Variants in ANKH observed in about 807,000 individuals in gnomAD.
ANKH encodes the protein mineralization regulator ANKH.
ANKH carries 15 observed loss-of-function variants against 49.0 expected under a neutral mutation model. The ratio of observed to expected loss-of-function variants is 0.31; its 90% CI spans 0.20 to 0.47. ANKH has a LOEUF of 0.47. ANKH is among the 20% of genes least tolerant of loss of function. ANKH has a pLI of 1.00. For missense variants in ANKH, 429 were observed against 652.0 expected, an observed-to-expected ratio of 0.66 and a Z score of 3.72; for synonymous variants, 273 against 260.0, an observed-to-expected ratio of 1.05 and a Z score of -0.48.
At chr5:14,735,678 G>A (rs1738155921) in intron 8 of ANKH, among the ~76,000 whole-genome samples, 1 of 152,156 alleles carries the variant, frequency 6.6e-6, no homozygotes, top group Admixed American at 6.5e-5. Flanking sequence ...CTCCTGGGCT[G>A]AGGCAGCAAA....
At chr5:14,789,390 T>C (rs1740086321) in intron 1 of ANKH, among the ~76,000 whole-genome samples, 1 of 151,984 alleles carries the variant, frequency 6.6e-6, no homozygotes, top group African/African-American at 2.4e-5. Flanking sequence ...TTTAATATCC[T>C]TGCATCACAT....
intron 9 of ANKH, among the ~76,000 whole-genome samples, chr5:14,715,523 A>G (rs1485602372): frequency 1.3e-5 from 2 of 152,194 alleles, no homozygotes; most frequent in African/African-American, 2.4e-5. Context: ...ATTTTTGACT[A>G]GGTGACACAC....
intron 4 of ANKH, among the ~76,000 whole-genome samples, chr5:14,752,097 C>T (rs2078318917): frequency 1.3e-5 from 2 of 152,106 alleles, no homozygotes; most frequent in African/African-American, 2.4e-5. Context: ...TGTTGGAGAC[C>T]AGCAGTTCCA....
In ANKH at chr5:14,814,537, T is replaced by C. The variant is rs535610168; in HGVS notation, c.97-45346A>G. 9.9e-5 allele frequency among the ~76,000 whole-genome samples: 15 copies of C among 152,252 alleles called. No individual in the cohort carries two copies. The East Asian group carries it at 2.9e-3, about 29-fold the overall frequency. ...GGTAGGATGGCTTGAGCCTGGGAGG[T>C]TGAGGCTGCAGTGAGCCATGATTGT... On this transcript the variant is annotated intron_variant, in intron 1 of 11. Coordinates refer to ENST00000284268, the MANE Select transcript of ANKH (RefSeq NM_054027.6).
At position 14,836,069 on chromosome 5, in the gene ANKH, C is replaced by G. The variant is rs982284875; in HGVS notation, c.96+35283G>C. ...AAGGCCTTTGACAAAATTCAACAGC[C>G]CTTCATGCTAAAAACTCTCAATAAA... On this transcript the variant is annotated intron_variant, in intron 1 of 11. Transcript: ENST00000284268. Among the ~76,000 whole-genome samples, 21 of 152,172 alleles carry G rather than the reference C, an allele frequency of 1.4e-4. No homozygotes were observed. In the Middle Eastern group the frequency reaches 0.01, roughly 74 times the overall value.
intron 1 of ANKH, among the ~76,000 whole-genome samples, chr5:14,793,435 C>T (rs932061012): frequency 1.3e-5 from 2 of 152,038 alleles, no homozygotes; most frequent in African/African-American, 2.4e-5. Flanking sequence ...GCTGTGCCCA[C>T]GTTAAACTGG....
rs1736972089 is a variant in ANKH at position 14,707,189 on chromosome 5, A to C, written c.*4008T>G. The C allele has an allele frequency of 6.6e-6, 1 of 152,226 alleles. No homozygotes were observed. The highest frequency in any genetic ancestry group is 2.1e-4 in the South Asian group (1 of 4,826). 9.4% of individuals were successfully genotyped at this position (152,226 alleles called of 1,614,324 possible). On this transcript the variant is annotated 3_prime_UTR_variant, in exon 12 of 12. Coordinates refer to ENST00000284268, the MANE Select transcript of ANKH (RefSeq NM_054027.6). ...TCTGCTGGGAGTTACTGAAGTAGAA[A>C]GATTTTTAAATACAAGAAAATATTT...
intron 1 of ANKH, among the ~76,000 whole-genome samples, chr5:14,858,754 TAAATAAAATA>T (rs371110679): frequency 5.5e-4 from 53 of 96,284 alleles, no homozygotes; most frequent in African/African-American, 2.3e-3. Context: ...AATAAATAAA[TAAATAAAATA>T]AAATAAAATA....
rs1371117614 is a variant in ANKH at position 14,792,432 on chromosome 5, A to C, written c.97-23241T>G. 5.9e-5 allele frequency among the ~76,000 whole-genome samples: 9 copies of C among 152,194 alleles called. 1 individual carries two copies. In the South Asian group the frequency reaches 1.9e-3, roughly 32 times the overall value. ...TGGTGATGATGGGACAGGAGGGTGA[A>C]AGCCAACATTTATTTGGATGTGAGA... On this transcript the variant is annotated intron_variant, in intron 1 of 11. Transcript: ENST00000284268.
intron 1 of ANKH, among the ~76,000 whole-genome samples, chr5:14,794,469 C>T (rs1740309387): frequency 6.6e-6 from 1 of 152,248 alleles, no homozygotes; most frequent in Non-Finnish European, 1.5e-5. Context: ...AATGCCTCTT[C>T]TCTCCCTCTC....
intron 11 of ANKH, 54 bp from the exon 12 acceptor site, chr5:14,711,364 C>T: frequency 6.8e-7 from 1 of 1,476,604 alleles, no homozygotes; most frequent in Non-Finnish European, 9.5e-7. Context: ...CACTGCACAG[C>T]AGAACCACGA....
At chr5:14,804,585 TC>T (rs1740650145) in intron 1 of ANKH, among the ~76,000 whole-genome samples, 1 of 152,250 alleles carries the variant, frequency 6.6e-6, no homozygotes, top group African/African-American at 2.4e-5. Flanking sequence ...AATGTGATTG[TC>T]AGTGATGGAC....
rs141231462 is a variant in ANKH, at chr5:14,795,007, C to A, written c.97-25816G>T. Among the ~76,000 whole-genome samples, 4 of 152,366 alleles carry A rather than the reference C, an allele frequency of 2.6e-5. No homozygotes were observed. In the East Asian group the frequency reaches 7.7e-4, roughly 29 times the overall value. On this transcript the variant is annotated intron_variant, in intron 1 of 11. Coordinates refer to ENST00000284268, the MANE Select transcript of ANKH (RefSeq NM_054027.6). ...GTACACAGAAACAATGTGTGCCTGG[C>A]ACTACTTGTCTGAGTGACAGAAAAA...
chr5:14,784,029 C>T (rs769711664), intron 1 of ANKH, among the ~76,000 whole-genome samples: 1 of 152,204 alleles, frequency 6.6e-6, no homozygotes, highest in African/African-American at 2.4e-5. Context: ...CCCTCAGGGC[C>T]CTGGTAGAGG....
At chr5:14,720,521 C>T (rs1737626145) in intron 8 of ANKH, among the ~76,000 whole-genome samples, 1 of 152,206 alleles carries the variant, frequency 6.6e-6, no homozygotes, top group Non-Finnish European at 1.5e-5. Context: ...TATCCCATCC[C>T]CACAAATACA....
At position 14,871,539 on chromosome 5, in the gene ANKH, G is replaced by T; in HGVS notation, c.-92C>A. 1 of 964,130 alleles carries T rather than the reference G, an allele frequency of 1.0e-6. No homozygotes were observed. 59.7% of individuals were successfully genotyped at this position (964,130 alleles called of 1,614,324 possible). ...GGCGACGGGGCGACGGGGCGAGCGGGGCGCGGGCCGACAGAGGCCGCGGGC... is the reference window on the plus strand; with the variant it reads ...GGCGACGGGGCGACGGGGCGAGCGGTGCGCGGGCCGACAGAGGCCGCGGGC... On this transcript the variant is annotated 5_prime_UTR_variant, in exon 1 of 12. Coordinates refer to ENST00000284268, the MANE Select transcript of ANKH (RefSeq NM_054027.6).
rs1243593041 is a variant in ANKH, at chr5:14,757,430, ATT to A, written c.432+1048_432+1049del. ...TATTGGAACATATATATATATATAT[ATT>A]TTTTTTTTTTTTTTTTTGCTAAGTC... is the stretch of plus-strand genomic sequence containing the variant. On this transcript the variant is annotated intron_variant, in intron 3 of 11. Transcript: ENST00000284268. Among the ~76,000 whole-genome samples the A allele has an allele frequency of 2.0e-3, 223 of 113,798 alleles. 2 individuals carry two copies. Among genetic ancestry groups the A allele is most frequent in the Middle Eastern group, 9.3e-3 (2 of 216 alleles). 74.7% of individuals were successfully genotyped at this position (113,798 alleles called of 152,430 possible). A position where few individuals can be genotyped will look rare whatever the true frequency, so the allele number is the denominator to read the frequency against.
At chr5:14,845,154 T>A (rs1741920849) in intron 1 of ANKH, among the ~76,000 whole-genome samples, 1 of 152,192 alleles carries the variant, frequency 6.6e-6, no homozygotes, top group Admixed American at 6.5e-5. Flanking sequence ...AATGCCTCTA[T>A]TTTGTTATTC....
At chr5:14,833,106 C>T (rs1275340692) in intron 1 of ANKH, among the ~76,000 whole-genome samples, 1 of 152,198 alleles carries the variant, frequency 6.6e-6, no homozygotes, top group Admixed American at 6.5e-5. Flanking sequence ...TGGCAACAAA[C>T]AGAACCACTC....
Sources: gnomAD v4.1 joint callset for allele counts (sites outside exome capture counted in the v4.1 genomes callset) on GRCh38, gnomAD v4.1.1 for gene constraint, MANE v1.5 for transcripts, NCBI Gene and HGNC (gene_info 2026-07-23, HGNC 2026-07-21) for gene names.